SERF2: variants seen among roughly 807,000 people sequenced by gnomAD.
SERF2 encodes small EDRK-rich factor 2.
SERF2 carries 4 observed loss-of-function variants against 10.7 expected under a neutral mutation model. The observed-to-expected ratio is 0.37, with a 90% CI of 0.18 to 0.86. The LOEUF (loss-of-function observed/expected upper bound fraction) is 0.86. Ranked by LOEUF, SERF2 falls within the 40% of genes least tolerant of loss-of-function variation. SERF2 has a pLI of 0.43. For synonymous variants in SERF2, 26 were observed against 26.0 expected (o/e 1.00, Z 0.01); for missense variants, 47 against 79.1 (o/e 0.59, Z 1.54).
At position 43,793,281 on chromosome 15, in the gene SERF2, G is replaced by A. The variant is rs529834653; in HGVS notation, c.116+198G>A. On this transcript the variant is annotated intron_variant, in intron 2 of 2. Coordinates refer to ENST00000249786, the MANE Select transcript of SERF2 (RefSeq NM_001018108.4). ...GCCTTACAGGAAAGGACGGGGGCGG[G>A]CGCCTGCCCTCAGTCTGATTTCTGA... The A allele has an allele frequency of 8.4e-4, 478 of 571,118 alleles. No homozygotes were observed. The Middle Eastern group carries it at 0.013, about 16-fold the overall frequency. The allele number at this position is 571,118 out of a possible 1,614,324, so 35.4% of individuals were successfully genotyped here.
chr15:43,780,285 G>A (rs545660250), intron 1 of SERF2, among the ~76,000 whole-genome samples: 3 of 151,666 alleles, frequency 2.0e-5, no homozygotes, highest in African/African-American at 7.3e-5. Flanking sequence ...GACTACAGGC[G>A]CCCGCCACCA....
Position 43,795,983 on chromosome 15 carries a change from T to A in SERF2, c.*2210T>A. 1 of 652,944 alleles carries A rather than the reference T, an allele frequency of 1.5e-6. No homozygotes were observed. Among genetic ancestry groups the A allele is most frequent in the Non-Finnish European group, 2.7e-6 (1 of 368,172 alleles). 40.4% of individuals were successfully genotyped at this position (652,944 alleles called of 1,614,324 possible). On this transcript the variant is annotated 3_prime_UTR_variant, in exon 3 of 3. Transcript: ENST00000249786. ...CACAGGGTTGTTGTGAGGGTTAAAT[T>A]AAATGAGATTATGTAAAAGTATCTA...
intron 2 of SERF2, 54 bp downstream of exon 2, chr15:43,793,137 G>C (rs1189825152): frequency 2.6e-6 from 3 of 1,141,370 alleles, no homozygotes; most frequent in Non-Finnish European, 3.9e-6. Flanking sequence ...TTAGACCAAG[G>C]GTTATAGAAG....
intron 1 of SERF2, among the ~76,000 whole-genome samples, chr15:43,777,791 T>C (rs2086932288): frequency 6.6e-6 from 1 of 152,102 alleles, no homozygotes; most frequent in African/African-American, 2.4e-5. Flanking sequence ...GCCCTTGGTG[T>C]CTCCACTTGT....
rs537556777 is a variant in SERF2 at position 43,794,283 on chromosome 15, C to T, written c.*510C>T. On this transcript the variant is annotated 3_prime_UTR_variant, in exon 3 of 3. Coordinates refer to ENST00000249786, the MANE Select transcript of SERF2 (RefSeq NM_001018108.4). ...CTTCTTTTCTGTGATTTTTGTTCCC[C>T]ACCCTTGAACACCATCTCTAGGATG... is the stretch of plus-strand genomic sequence containing the variant. The T allele has an allele frequency of 1.0e-5, 3 of 292,622 alleles. No individual in the cohort carries two copies. The highest frequency in any genetic ancestry group is 6.5e-5 in the East Asian group (1 of 15,502). 18.1% of individuals were successfully genotyped at this position (292,622 alleles called of 1,614,324 possible).
At position 43,795,101 on chromosome 15, in the gene SERF2, C is replaced by A; in HGVS notation, c.*1328C>A. On this transcript the variant is annotated 3_prime_UTR_variant, in exon 3 of 3. Transcript: ENST00000249786. ...TGGGTGGGGGGCCAACAGAGTGGTG[C>A]CAGTAACAGCCCCAGATAGAGGAGT... is the stretch of plus-strand genomic sequence containing the variant. 1 of 1,613,900 alleles carries A rather than the reference C, an allele frequency of 6.2e-7. No homozygotes were observed. The highest frequency in any genetic ancestry group is 1.1e-5 in the South Asian group (1 of 91,062).
At chr15:43,785,222 C>A (rs1239231859) in intron 1 of SERF2, among the ~76,000 whole-genome samples, 1 of 149,330 alleles carries the variant, frequency 6.7e-6, no homozygotes, top group Non-Finnish European at 1.5e-5. Flanking sequence ...GCGCCCACCA[C>A]CACACCCGGC....
upstream of SERF2, chr15:43,792,276 G>T: frequency 9.4e-7 from 1 of 1,062,668 alleles, no homozygotes; most frequent in East Asian, 2.4e-5. Flanking sequence ...GGGCGGGGAG[G>T]AAAGGAACGA....
At chr15:43,792,433 A>G in intron 1 of SERF2, 50 bp downstream of exon 1, 1 of 1,613,486 alleles carries the variant, frequency 6.2e-7, no homozygotes, top group African/African-American at 1.3e-5. Context: ...GTTCACCCTA[A>G]ACACCACCGG....
intron 1 of SERF2, among the ~76,000 whole-genome samples, chr15:43,781,507 G>C (rs1020509718): frequency 1.3e-5 from 2 of 151,824 alleles, no homozygotes; most frequent in African/African-American, 2.4e-5. Flanking sequence ...AGCTGAGATA[G>C]AGCAAGGTCT....
At chr15:43,778,523 A>G (rs1216195395) in intron 1 of SERF2, among the ~76,000 whole-genome samples, 1 of 141,058 alleles carries the variant, frequency 7.1e-6, no homozygotes, top group Non-Finnish European at 1.5e-5. Context: ...TGAGCAACAG[A>G]GAGAGACCCT....
rs551293703 is a variant in SERF2 at position 43,793,508 on chromosome 15, C to T, written c.117-202C>T. On this transcript the variant is annotated intron_variant, in intron 2 of 2. Coordinates refer to ENST00000249786, the MANE Select transcript of SERF2 (RefSeq NM_001018108.4). ...GCCTGTGTCACCAGACTTCTGACCCCTTGGGCAACAGCCAGATGGAGACTG... is the reference window on the plus strand; with the variant it reads ...GCCTGTGTCACCAGACTTCTGACCCTTTGGGCAACAGCCAGATGGAGACTG... The T allele has an allele frequency of 1.9e-5, 27 of 1,448,672 alleles. 1 individual carries two copies. The South Asian group carries it at 3.4e-4, about 18-fold the overall frequency. The allele number at this position is 1,448,672 out of a possible 1,614,324, so 89.7% of individuals were successfully genotyped here.
chr15:43,780,551 C>G (rs373010046), intron 1 of SERF2, among the ~76,000 whole-genome samples: 1 of 152,258 alleles, frequency 6.6e-6, no homozygotes, highest in South Asian at 2.1e-4. Context: ...AACTCTATAT[C>G]CATTTAACAA....
At chr15:43,782,870 A>G (rs2086975210) in intron 1 of SERF2, among the ~76,000 whole-genome samples, 1 of 151,392 alleles carries the variant, frequency 6.6e-6, no homozygotes, top group African/African-American at 2.4e-5. Flanking sequence ...TTTGAGATGG[A>G]GTCTTCGCTC....
Position 43,794,663 on chromosome 15 carries a change from C to T in SERF2, c.*890C>T, listed in dbSNP as rs1021549555. On this transcript the variant is annotated 3_prime_UTR_variant, in exon 3 of 3. Coordinates refer to ENST00000249786, the MANE Select transcript of SERF2 (RefSeq NM_001018108.4). ...CAAGGGCAGAGCCGAGTCTTCAGTC[C>T]CTGTTGGTCTTTCCCCACCCCCACT... is the stretch of plus-strand genomic sequence containing the variant. 4.8e-5 allele frequency: 12 copies of T among 250,974 alleles called. No individual in the cohort carries two copies. The highest frequency in any genetic ancestry group is 2.4e-4 in the African/African-American group (11 of 45,522). 15.5% of individuals were successfully genotyped at this position (250,974 alleles called of 1,614,324 possible). A position where few individuals can be genotyped will look rare whatever the true frequency, so the allele number is the denominator to read the frequency against.
Position 43,795,491 on chromosome 15 carries a change from G to T in SERF2, c.*1718G>T, listed in dbSNP as rs776032811. On this transcript the variant is annotated 3_prime_UTR_variant, in exon 3 of 3. Coordinates refer to ENST00000249786, the MANE Select transcript of SERF2 (RefSeq NM_001018108.4). The stretch of plus-strand genomic sequence containing the variant: ...GAAAGATGCTGGACTTGGACTGGAG[G>T]AGCTGGAGGGGTTTCTTGGTCAGCT... 5.0e-6 allele frequency: 8 copies of T among 1,614,220 alleles called. No individual in the cohort carries two copies. In the Middle Eastern group the frequency reaches 5.0e-4, roughly 100 times the overall value.
chr15:43,788,205 C>T (rs1227932906), upstream of SERF2, among the ~76,000 whole-genome samples: 3 of 151,198 alleles, frequency 2.0e-5, no homozygotes, highest in South Asian at 2.1e-4. Context: ...GAGACGGGGT[C>T]TCACTATATT....
upstream of SERF2, among the ~76,000 whole-genome samples, chr15:43,790,036 G>A (rs943811212): frequency 1.3e-5 from 2 of 152,024 alleles, no homozygotes; most frequent in African/African-American, 4.8e-5. Flanking sequence ...CAGCTACTCG[G>A]GAAGCTGAGG....
chr15:43,793,036 G>A lies in SERF2; in HGVS notation c.69G>A (p.Lys23=), dbSNP rs1444998637. The change falls in exon 2 of 3, where the codon AAG becomes AAA. Residue 23 remains lysine, a synonymous_variant. Coordinates refer to ENST00000249786, the MANE Select transcript of SERF2 (RefSeq NM_001018108.4). Reference sequence around the variant, plus strand: ...TGAAAAAGCAGAGCGACTCGGTTAAGGGAAAGCGCCGAGATGACGGGCTTT... The same window carrying A: ...TGAAAAAGCAGAGCGACTCGGTTAAAGGAAAGCGCCGAGATGACGGGCTTT... ...KNMKKQSDSV[K]GKRRDDGLSA... is the part of the protein sequence containing the mutation. The A allele has an allele frequency of 6.2e-7, 1 of 1,613,338 alleles. No homozygotes were observed. The highest frequency in any genetic ancestry group is 8.5e-7 in the Non-Finnish European group (1 of 1,179,426).
Sources: gnomAD v4.1 joint callset for allele counts (sites outside exome capture counted in the v4.1 genomes callset) on GRCh38, gnomAD v4.1.1 for gene constraint, MANE v1.5 for transcripts, NCBI Gene and HGNC (gene_info 2026-07-23, HGNC 2026-07-21) for gene names.